The following KAZN variants were observed in gnomAD, a reference collection of about 807,000 sequenced individuals.
KAZN encodes kazrin, periplakin interacting protein, also known as kazrin.
Under a neutral mutation model 87.4 loss-of-function variants are expected in KAZN, and 40 were observed. The observed-to-expected ratio is 0.46, with a 90% confidence interval of 0.36 to 0.60. KAZN has a LOEUF of 0.60. Ranked by LOEUF, KAZN falls within the 20% of genes least tolerant of loss-of-function variation. KAZN has a pLI of 0.00. For missense variants in KAZN, 898 were observed against 1,073.9 expected (o/e 0.84, Z 2.29); for synonymous variants, 466 against 458.3 (o/e 1.02, Z -0.22).
chr1:14,474,287 T>G (rs1668605280), intron 2 of KAZN, among the ~76,000 whole-genome samples: 1 of 152,050 alleles, frequency 6.6e-6, no homozygotes, highest in Admixed American at 6.6e-5. Context: ...TAATTTATGA[T>G]AGGGGTAAAC....
At chr1:14,584,115 G>A (rs1232771670) in intron 2 of KAZN, among the ~76,000 whole-genome samples, 1 of 152,136 alleles carries the variant, frequency 6.6e-6, no homozygotes, top group African/African-American at 2.4e-5. Context: ...CCCCAGCCCT[G>A]GACAAGTGCT....
chr1:14,739,789 A>G (rs923625043), intron 1 of KAZN, among the ~76,000 whole-genome samples: 3 of 151,982 alleles, frequency 2.0e-5, no homozygotes, highest in Non-Finnish European at 4.4e-5. Context: ...CTCACTTAGA[A>G]TAAAAAAATG....
intron 2 of KAZN, among the ~76,000 whole-genome samples, chr1:14,334,858 C>G (rs1462146093): frequency 1.3e-5 from 2 of 151,900 alleles, no homozygotes; most frequent in African/African-American, 2.4e-5. Context: ...CAGAGGCAGA[C>G]AGAGACACAG....
intron 2 of KAZN, among the ~76,000 whole-genome samples, chr1:14,419,692 G>C (rs755237234): frequency 2.6e-5 from 4 of 152,094 alleles, no homozygotes; most frequent in Admixed American, 1.3e-4. Context: ...TTGTGATCTC[G>C]CTGGCTTCAT....
intron 2 of KAZN, among the ~76,000 whole-genome samples, chr1:14,373,722 T>A (rs569397509): frequency 6.6e-6 from 1 of 152,270 alleles, no homozygotes; most frequent in East Asian, 1.9e-4. Flanking sequence ...AGTCCTAGGA[T>A]CCTGGGAGAC....
At chr1:14,385,201 CTTT>C (rs1428227488) in intron 2 of KAZN, among the ~76,000 whole-genome samples, 1 of 152,140 alleles carries the variant, frequency 6.6e-6, no homozygotes, top group South Asian at 2.1e-4. Context: ...TTTGGTTCTT[CTTT>C]TTTTCTTTAT....
At chr1:15,045,176 C>T (rs1673346911) in intron 4 of KAZN, among the ~76,000 whole-genome samples, 1 of 152,138 alleles carries the variant, frequency 6.6e-6, no homozygotes. Flanking sequence ...CCCTACCTTC[C>T]CCACAGGGTG....
chr1:14,456,197 A>G (rs771503081), intron 2 of KAZN, among the ~76,000 whole-genome samples: 7 of 152,230 alleles, frequency 4.6e-5, no homozygotes, highest in Non-Finnish European at 8.8e-5. Context: ...AGCAGCTTAA[A>G]ACAACAAGCA....
At chr1:14,073,481 A>T (rs1490955405) in intron 1 of KAZN, among the ~76,000 whole-genome samples, 3 of 152,232 alleles carry the variant, frequency 2.0e-5, no homozygotes, top group Admixed American at 6.5e-5. Context: ...TACATGTGCC[A>T]TGGTGGTTTG....
chr1:14,175,591 G>A (rs907708467), intron 1 of KAZN, among the ~76,000 whole-genome samples: 3 of 152,204 alleles, frequency 2.0e-5, no homozygotes, highest in Non-Finnish European at 4.4e-5. Context: ...GAGTTGTACT[G>A]TGTGTGAGTA....
chr1:14,002,480 C>T (rs866020533), intron 1 of KAZN, among the ~76,000 whole-genome samples: 17 of 152,188 alleles, frequency 1.1e-4, no homozygotes, highest in South Asian at 4.1e-4. Context: ...GCTGCCACCA[C>T]GTAAGAAGTG....
At chr1:14,647,294 G>T (rs968073996) in intron 1 of KAZN, among the ~76,000 whole-genome samples, 2 of 152,116 alleles carry the variant, frequency 1.3e-5, no homozygotes, top group African/African-American at 2.4e-5. Flanking sequence ...AAACCCACAC[G>T]CCTTCCATCA....
chr1:14,686,207 A>G (rs1201173506), intron 1 of KAZN, among the ~76,000 whole-genome samples: 1 of 152,118 alleles, frequency 6.6e-6, no homozygotes, highest in African/African-American at 2.4e-5. Flanking sequence ...TAGCTGGACT[A>G]CAGACGTGTA....
intron 1 of KAZN, among the ~76,000 whole-genome samples, chr1:14,639,498 C>T (rs1388008126): frequency 1.3e-5 from 2 of 152,142 alleles, no homozygotes; most frequent in African/African-American, 2.4e-5. Context: ...GGACCATGGC[C>T]ATAGACCTGT....
chr1:14,437,780 C>T (rs1282065437), intron 2 of KAZN, among the ~76,000 whole-genome samples: 4 of 152,100 alleles, frequency 2.6e-5, no homozygotes, highest in South Asian at 2.1e-4. Context: ...AAGACATGCA[C>T]GGTACCTCCC....
At chr1:14,669,423 C>T (rs901606039) in intron 1 of KAZN, among the ~76,000 whole-genome samples, 3 of 152,214 alleles carry the variant, frequency 2.0e-5, no homozygotes, top group Admixed American at 6.5e-5. Flanking sequence ...AAACCCTGCT[C>T]TAATTCAACC....
At chr1:15,065,530 C>A in intron 7 of KAZN, 100 bp from the exon 8 acceptor site, 1 of 1,070,646 alleles carries the variant, frequency 9.3e-7, no homozygotes, top group East Asian at 2.4e-5. Flanking sequence ...TCAGAGAGGC[C>A]TTCCCCACCC....
chr1:14,130,223 G>A (rs1472828843), intron 1 of KAZN, among the ~76,000 whole-genome samples: 1 of 151,990 alleles, frequency 6.6e-6, no homozygotes, highest in African/African-American at 2.4e-5. Context: ...GCATGGTATT[G>A]TGGTCTCTCC....
At chr1:14,373,086 A>T (rs1660633168) in intron 2 of KAZN, among the ~76,000 whole-genome samples, 1 of 152,096 alleles carries the variant, frequency 6.6e-6, no homozygotes, top group South Asian at 2.1e-4. Flanking sequence ...ATAATTCATA[A>T]AAAGAAAGCT....
Sources: allele counts gnomAD v4.1 joint callset (sites outside exome capture counted in the v4.1 genomes callset), GRCh38; gene constraint gnomAD v4.1.1; transcripts MANE v1.5; gene names NCBI Gene and HGNC (gene_info 2026-07-23, HGNC 2026-07-21).